The following DNAAF4 variants were observed in gnomAD, a reference collection of about 807,000 sequenced individuals.
DNAAF4 encodes the protein dynein axonemal assembly factor 4.
DNAAF4 carries 43 observed loss-of-function variants against 51.8 expected under a neutral mutation model. The ratio of observed to expected loss-of-function variants is 0.83; its 90% CI spans 0.65 to 1.07. The LOEUF is 1.07. Ranked by LOEUF, DNAAF4 falls within the 50% of genes least tolerant of loss-of-function variation. The pLI is 0.00. For synonymous variants in DNAAF4, 194 were observed against 165.6 expected (o/e 1.17, Z -1.32); for missense variants, 581 against 493.0 (o/e 1.18, Z -1.69).
At chr15:55,431,668 C>T (rs1287195431) in intron 9 of DNAAF4, among the ~76,000 whole-genome samples, 2 of 151,584 alleles carry the variant, frequency 1.3e-5, no homozygotes, top group Non-Finnish European at 1.5e-5. Context: ...TTAGTAGAGA[C>T]GGGGTTTCAC....
At position 55,418,608 on chromosome 15, in the gene DNAAF4, C is replaced by T. The variant is rs953319129; in HGVS notation, c.1048-475G>A. 2.3e-5 allele frequency: 29 copies of T among 1,279,960 alleles called. No homozygotes were observed. In the African/African-American group the frequency reaches 2.3e-4, roughly 10 times the overall value. 79.3% of individuals were successfully genotyped at this position (1,279,960 alleles called of 1,614,324 possible). On this transcript the variant is annotated intron_variant, in intron 7 of 7. Coordinates refer to the DNAAF4 transcript ENST00000448430. ...TTGTATATTGAAGAGAAAATATACTCGGGAAAAATGAGTGTTAAATCTAAG... is the reference window on the plus strand; with the variant it reads ...TTGTATATTGAAGAGAAAATATACTTGGGAAAAATGAGTGTTAAATCTAAG...
At chr15:55,466,496 G>C (rs1318410805) in intron 5 of DNAAF4, among the ~76,000 whole-genome samples, 1 of 152,110 alleles carries the variant, frequency 6.6e-6, no homozygotes, top group Non-Finnish European at 1.5e-5. Context: ...ATCTTTATTT[G>C]CTGTAGAGTA....
intron 7 of DNAAF4, among the ~76,000 whole-genome samples, chr15:55,437,790 A>C (rs1567003156): frequency 6.6e-6 from 1 of 152,188 alleles, no homozygotes. Flanking sequence ...CGGAAATTTA[A>C]GAAAACAGCT....
chr15:55,457,947 T>C (rs1350998728), intron 5 of DNAAF4, among the ~76,000 whole-genome samples: 2 of 152,076 alleles, frequency 1.3e-5, no homozygotes, highest in Non-Finnish European at 2.9e-5. Flanking sequence ...TAACAATCAC[T>C]GCAGTCTGGC....
chr15:55,506,334 G>T (rs943671962), intron 1 of DNAAF4, among the ~76,000 whole-genome samples: 1 of 152,156 alleles, frequency 6.6e-6, no homozygotes, highest in Admixed American at 6.6e-5. Context: ...CTATCTTAGA[G>T]ATTTCTAGCA....
chr15:55,494,139 C>T (rs1326151397), intron 3 of DNAAF4, among the ~76,000 whole-genome samples: 1 of 151,646 alleles, frequency 6.6e-6, no homozygotes, highest in African/African-American at 2.4e-5. Flanking sequence ...AAGTGATTCT[C>T]CTGCCTCAGC....
chr15:55,442,602 G>A, intron 6 of DNAAF4: 3 of 1,423,210 alleles, frequency 2.1e-6, no homozygotes, highest in Admixed American at 3.3e-5. Context: ...CTGGAGGGGA[G>A]AGAATGAGAT....
intron 6 of DNAAF4, chr15:55,442,592 C>G: frequency 7.5e-7 from 1 of 1,338,166 alleles, no homozygotes. Context: ...ACTGCTTCTT[C>G]TGGAGGGGAG....
chr15:55,469,902 G>C lies in DNAAF4; in HGVS notation c.406-2741C>G, dbSNP rs78752093. Among the ~76,000 whole-genome samples, 344 of 152,154 alleles carry C rather than the reference G, an allele frequency of 2.3e-3. 8 individuals carry two copies. Among genetic ancestry groups the C allele is most frequent in the Non-Finnish European group, 7.8e-4 (53 of 68,004 alleles). On this transcript the variant is annotated intron_variant, in intron 4 of 9. Coordinates refer to ENST00000321149, the MANE Select transcript of DNAAF4 (RefSeq NM_130810.4). ...GTTAAGGGCTCAATTCCATAAGACA[G>C]TCTCCACACAGATGCCAATCATAAG... is the stretch of plus-strand genomic sequence containing the variant.
At position 55,506,123 on chromosome 15, in the gene DNAAF4, C is replaced by T. The variant is rs2058725942; in HGVS notation, c.-256+1999G>A. Among the ~76,000 whole-genome samples the T allele has an allele frequency of 2.0e-5, 3 of 152,096 alleles. No individual in the cohort carries two copies. The South Asian group carries it at 6.2e-4, about 32-fold the overall frequency. On this transcript the variant is annotated intron_variant, in intron 1 of 9. Coordinates refer to ENST00000321149, the MANE Select transcript of DNAAF4 (RefSeq NM_130810.4). ...AATGTTCAACAGAATAATATTATGG[C>T]CAAGCTGTGAGTGCCAGGTCAGCTT...
At chr15:55,478,360 T>C (rs2058363968) in intron 4 of DNAAF4, among the ~76,000 whole-genome samples, 1 of 152,124 alleles carries the variant, frequency 6.6e-6, no homozygotes, top group Non-Finnish European at 1.5e-5. Context: ...AGAAGAGATT[T>C]TATGGTTAAA....
At chr15:55,463,252 C>A (rs867805721) in intron 5 of DNAAF4, among the ~76,000 whole-genome samples, 9 of 151,578 alleles carry the variant, frequency 5.9e-5, no homozygotes, top group African/African-American at 1.9e-4. Flanking sequence ...ATGACTAAAA[C>A]CCTCAGCAAA....
intron 5 of DNAAF4, among the ~76,000 whole-genome samples, chr15:55,457,830 C>A (rs76754074): frequency 3.3e-5 from 5 of 152,220 alleles, no homozygotes; most frequent in African/African-American, 1.2e-4. Flanking sequence ...AGAACAGGTG[C>A]TGGTATCCAC....
intron 8 of DNAAF4, among the ~76,000 whole-genome samples, chr15:55,433,888 AT>A (rs2057547256): frequency 5.8e-5 from 1 of 17,134 alleles, no homozygotes; most frequent in Non-Finnish European, 9.4e-5. Context: ...CATATATTAT[AT>A]ATATATTATA....
intron 6 of DNAAF4, among the ~76,000 whole-genome samples, chr15:55,441,244 G>T (rs2057706941): frequency 6.7e-6 from 1 of 148,870 alleles, no homozygotes; most frequent in Non-Finnish European, 1.5e-5. Context: ...GCCAGTTTTT[G>T]TATTTTTAGT....
At chr15:55,424,712 G>A (rs368599023) in intron 7 of DNAAF4, among the ~76,000 whole-genome samples, 4 of 152,000 alleles carry the variant, frequency 2.6e-5, no homozygotes, top group African/African-American at 4.8e-5. Flanking sequence ...ACAGGCATGC[G>A]CCACCATGCC....
rs1048880716 is a variant in DNAAF4, at chr15:55,430,475, C to A, written c.*195G>T. On this transcript the variant is annotated 3_prime_UTR_variant, in exon 10 of 10. Coordinates refer to ENST00000321149, the MANE Select transcript of DNAAF4 (RefSeq NM_130810.4). ...AAGAAATAAGGAATTAAAATAGATT[C>A]TTATTTAGATTTACTTATTCAGAAA... is the stretch of plus-strand genomic sequence containing the variant. 1 of 1,104,836 alleles carries A rather than the reference C, an allele frequency of 9.1e-7. No individual in the cohort carries two copies. The highest frequency in any genetic ancestry group is 1.6e-5 in the African/African-American group (1 of 60,970). 68.4% of individuals were successfully genotyped at this position (1,104,836 alleles called of 1,614,324 possible). A position where few individuals can be genotyped will look rare whatever the true frequency, so the allele number is the denominator to read the frequency against.
chr15:55,456,899 C>T (rs934693440), intron 5 of DNAAF4, among the ~76,000 whole-genome samples: 3 of 152,190 alleles, frequency 2.0e-5, no homozygotes, highest in Non-Finnish European at 2.9e-5. Flanking sequence ...CCATTCCTGG[C>T]GTGATCTCAC....
rs2057513256 is a variant in DNAAF4, at chr15:55,432,568, TTGTC to T, written c.1078_1081del (p.Asp360MetfsTer6). On this transcript the variant is annotated frameshift_variant, in exon 9 of 10. Transcript: ENST00000321149. LOFTEE classifies it high-confidence loss of function. ...ATGTGCCTTCATTCTTGCATTAGCA[TTGTC>T]TGTAACAGGTGGCATCAATAATTCC... 6.2e-7 allele frequency: 1 copy of T among 1,612,480 alleles called. No homozygotes were observed. Among genetic ancestry groups the T allele is most frequent in the Non-Finnish European group, 8.5e-7 (1 of 1,178,988 alleles).
Sources: gnomAD v4.1 joint callset for allele counts (sites outside exome capture counted in the v4.1 genomes callset) on GRCh38, gnomAD v4.1.1 for gene constraint, MANE v1.5 for transcripts, NCBI Gene and HGNC (gene_info 2026-07-23, HGNC 2026-07-21) for gene names.